Variants in ST6GALNAC1 observed in about 807,000 individuals in gnomAD.
The protein encoded by ST6GALNAC1 is ST6 N-acetylgalactosaminide alpha-2,6-sialyltransferase 1.
A neutral mutation model predicts 56.8 loss-of-function variants in ST6GALNAC1; 45 were observed. The ratio of observed to expected loss-of-function variants is 0.79; its 90% confidence interval spans 0.62 to 1.02. ST6GALNAC1 has a LOEUF of 1.02. ST6GALNAC1 is among the 50% of genes least tolerant of loss of function. The pLI, the probability that ST6GALNAC1 is intolerant of heterozygous loss-of-function variation, is 0.00. For synonymous variants in ST6GALNAC1, 295 were observed against 297.8 expected, an observed-to-expected ratio of 0.99 and a Z score of 0.10; for missense variants, 743 against 754.8, an observed-to-expected ratio of 0.98 and a Z score of 0.18.
chr17:76,627,548 C>G lies in ST6GALNAC1; in HGVS notation c.867G>C (p.Lys289Asn). 6.2e-7 allele frequency: 1 copy of G among 1,614,152 alleles called. No individual in the cohort carries two copies. Among genetic ancestry groups the G allele is most frequent in the Non-Finnish European group, 8.5e-7 (1 of 1,180,024 alleles). ...CPDSVKIKAS[K>N]SLWLQKLFLP... Reference sequence around the variant, plus strand: ...GAAAGAGTTTCTGGAGCCACAGCGACTTGGAGGCTTTGATCTTCACAGAGT... The same window carrying G: ...GAAAGAGTTTCTGGAGCCACAGCGAGTTGGAGGCTTTGATCTTCACAGAGT... The change falls in exon 3 of 9, where the codon AAG (lysine) becomes AAC (asparagine). Residue 289 changes from lysine to asparagine, a missense_variant. Transcript: ENST00000156626. This position sits in a 1 kb window ranked among gnomAD's most constrained non-coding sequence, Gnocchi z 4.4.
chr17:76,625,555 G>A (rs1255366629), intron 8 of ST6GALNAC1, 28 bp from the exon 9 acceptor site: 1 of 1,608,710 alleles, frequency 6.2e-7, no homozygotes, highest in Non-Finnish European at 8.5e-7. Context: ...GAGAAACACG[G>A]CCTGTAGTTG....
intron 1 of ST6GALNAC1, among the ~76,000 whole-genome samples, chr17:76,642,230 A>G (rs1338723806): frequency 6.6e-6 from 1 of 151,384 alleles, no homozygotes; most frequent in Non-Finnish European, 1.5e-5. Flanking sequence ...CTATCTATCT[A>G]TCTATCTATC....
chr17:76,629,974 G>A (rs1310979547), intron 1 of ST6GALNAC1, among the ~76,000 whole-genome samples: 1 of 151,846 alleles, frequency 6.6e-6, no homozygotes, highest in African/African-American at 2.4e-5. Context: ...GTAGAGATGG[G>A]GGTTTCACCA....
downstream of ST6GALNAC1, among the ~76,000 whole-genome samples, chr17:76,620,578 T>C (rs1192491465): frequency 6.9e-6 from 1 of 145,082 alleles, no homozygotes; most frequent in African/African-American, 2.6e-5. Context: ...TTTCTTTGTG[T>C]TCCTTTTTTT....
chr17:76,630,649 G>C (rs1350900112), intron 1 of ST6GALNAC1, among the ~76,000 whole-genome samples: 1 of 147,732 alleles, frequency 6.8e-6, no homozygotes, highest in Non-Finnish European at 1.5e-5. Context: ...GCAGTGGCGC[G>C]ATCTTGGCTC....
downstream of ST6GALNAC1, among the ~76,000 whole-genome samples, chr17:76,620,638 C>T (rs1398434017): frequency 6.6e-6 from 1 of 151,560 alleles, no homozygotes; most frequent in African/African-American, 2.4e-5. Context: ...TGCAGTGGCA[C>T]GATCTTGGCT....
chr17:76,628,512 A>G (rs981202857), intron 2 of ST6GALNAC1, among the ~76,000 whole-genome samples: 2 of 152,190 alleles, frequency 1.3e-5, no homozygotes, highest in African/African-American at 4.8e-5. Context: ...GGTGTGGTTC[A>G]GTCAGACTGT....
chr17:76,628,792 G>A (rs369044274), intron 2 of ST6GALNAC1, among the ~76,000 whole-genome samples: 8 of 152,194 alleles, frequency 5.3e-5, no homozygotes, highest in East Asian at 1.9e-4. Flanking sequence ...CCAGGGGTCC[G>A]GGGCCTGCCT....
chr17:76,634,205 C>T (rs971486524), intron 1 of ST6GALNAC1, among the ~76,000 whole-genome samples: 9 of 152,172 alleles, frequency 5.9e-5, no homozygotes, highest in Non-Finnish European at 1.0e-4. Context: ...CTACTTACGT[C>T]CTTAAGTCCT....
At chr17:76,630,882 C>CGTCTG in intron 1 of ST6GALNAC1, among the ~76,000 whole-genome samples, 1 of 148,434 alleles carries the variant, frequency 6.7e-6, no homozygotes, top group East Asian at 2.0e-4. Context: ...TGAGCCACCG[C>CGTCTG]GCCCAATTTT....
intron 1 of ST6GALNAC1, among the ~76,000 whole-genome samples, chr17:76,639,779 G>A (rs998303328): frequency 3.3e-5 from 5 of 151,788 alleles, no homozygotes; most frequent in African/African-American, 1.2e-4. Flanking sequence ...TGGAGGTAGG[G>A]AGTGGGGGTG....
chr17:76,622,191 T>C (rs1372129093), downstream of ST6GALNAC1, among the ~76,000 whole-genome samples: 2 of 150,602 alleles, frequency 1.3e-5, no homozygotes, highest in Admixed American at 1.3e-4. Context: ...TTCATATATA[T>C]ATATATATTT....
downstream of ST6GALNAC1, among the ~76,000 whole-genome samples, chr17:76,619,996 G>A (rs946053968): frequency 1.3e-5 from 2 of 151,760 alleles, no homozygotes; most frequent in Non-Finnish European, 2.9e-5. Context: ...CGCCTGCCTC[G>A]GCCTCCCAAA....
downstream of ST6GALNAC1, among the ~76,000 whole-genome samples, chr17:76,622,845 G>A (rs997310484): frequency 6.7e-6 from 1 of 149,888 alleles, no homozygotes; most frequent in African/African-American, 2.5e-5. Context: ...CCAGGCTGGA[G>A]TGCAATGTCG....
At chr17:76,636,431 G>A (rs1204237853) in intron 1 of ST6GALNAC1, among the ~76,000 whole-genome samples, 2 of 152,034 alleles carry the variant, frequency 1.3e-5, no homozygotes, top group African/African-American at 4.8e-5. Context: ...TGAGTTCCAA[G>A]GTCAGAGGAC....
chr17:76,626,921 T>A lies in ST6GALNAC1; in HGVS notation c.1173-132A>T, dbSNP rs937946752. On this transcript the variant is annotated intron_variant, in intron 4 of 8. Coordinates refer to ENST00000156626, the MANE Select transcript of ST6GALNAC1 (RefSeq NM_018414.5). ...GAAATTCTCTCGAGAGCCCAGGAATTCCACCTTCCAGATGCAGGCGTGGAA... is the reference window on the plus strand; with the variant it reads ...GAAATTCTCTCGAGAGCCCAGGAATACCACCTTCCAGATGCAGGCGTGGAA... 1.6e-5 allele frequency: 24 copies of A among 1,471,656 alleles called. No individual in the cohort carries two copies. The African/African-American group carries it at 2.9e-4, about 17-fold the overall frequency. 91.2% of individuals were successfully genotyped at this position (1,471,656 alleles called of 1,614,324 possible).
rs2143409118 is a variant in ST6GALNAC1, at chr17:76,625,361, G to C, written c.1772C>G (p.Pro591Arg). ...CTTGGCTTTGGCAGTTCCGGGACCA[G>C]GACGCTGGTACAGCCGGATTATCCC... Reference protein sequence around the residue: ...DEGIIRLYQRPGPGTAKAKN With the variant: ...DEGIIRLYQRRGPGTAKAKN Residue 591 changes from proline (P) to arginine (R), a missense_variant, in exon 9 of 9, where the codon CCT becomes CGT. Pro to Arg is a moderately radical substitution (Grantham distance 103, BLOSUM62 -2). Transcript: ENST00000156626. The C allele has an allele frequency of 6.2e-7, 1 of 1,613,818 alleles. No homozygotes were observed.
chr17:76,627,288 G>C lies in ST6GALNAC1; in HGVS notation c.1001-50C>G. The C allele has an allele frequency of 6.4e-7, 1 of 1,555,084 alleles. No homozygotes were observed. The highest frequency in any genetic ancestry group is 8.7e-7 in the Non-Finnish European group (1 of 1,149,622). Reference sequence around the variant, plus strand: ...ATTCAGAGCCCTGGGAGGGACAGGAGTCCGACCCATCATTCCTCCCAGGTC... The same window carrying C: ...ATTCAGAGCCCTGGGAGGGACAGGACTCCGACCCATCATTCCTCCCAGGTC... On this transcript the variant is annotated intron_variant, in intron 3 of 8. Transcript: ENST00000156626. This position sits in a 1 kb window ranked among gnomAD's most constrained non-coding sequence, Gnocchi z 4.4.
At chr17:76,636,592 G>A (rs550728036) in intron 1 of ST6GALNAC1, among the ~76,000 whole-genome samples, 1 of 152,262 alleles carries the variant, frequency 6.6e-6, no homozygotes, top group East Asian at 1.9e-4. Flanking sequence ...ATGGCAAAAC[G>A]AGACTCCGTT....
Sources: gnomAD v4.1 joint callset for allele counts (sites outside exome capture counted in the v4.1 genomes callset) on GRCh38, gnomAD v4.1.1 for gene constraint, Gnocchi (gnomAD v3.1) non-coding constraint, MANE v1.5 for transcripts, NCBI Gene and HGNC (gene_info 2026-07-23, HGNC 2026-07-21) for gene names.